The following BAZ2B variants were observed in gnomAD, a reference collection of about 807,000 sequenced individuals.
The protein encoded by BAZ2B is bromodomain adjacent to zinc finger domain 2B.
In BAZ2B, 91 loss-of-function variants were observed where a neutral mutation model predicts 246.0. The observed-to-expected ratio is 0.37, with a 90% confidence interval of 0.31 to 0.44. The LOEUF is 0.44. Among genes scored for constraint, BAZ2B ranks in the 20% least tolerant of loss-of-function variants. The pLI is 1.00. For missense variants in BAZ2B, 2,332 were observed against 2,533.7 expected, an observed-to-expected ratio of 0.92 and a Z score of 1.71; for synonymous variants, 855 against 860.0, an observed-to-expected ratio of 0.99 and a Z score of 0.10.
At position 159,430,865 on chromosome 2, in the gene BAZ2B, G is replaced by C. The variant is rs771370768; in HGVS notation, c.2192C>G (p.Ser731Cys). ...TAATAAAAATAAAGTGTAGGTACCA[G>C]AGTGTGGGCTTGAAGTAAGTGTGGA... The part of the protein sequence containing the change: ...SSSTLTSSPH[S>C]GTSKRRRVTD... Residue 731 changes from serine (S) to cysteine (C), a missense_variant and splice_region_variant, in exon 10 of 37, where the codon TCT becomes TGT. Physicochemically the swap from Ser to Cys is moderately radical, Grantham distance 112 (BLOSUM62 -1). Around this residue, in one of 9 missense-constraint regions of BAZ2B, gnomAD observed 651 missense variants for 650.9 expected, o/e 1.00. Transcript: ENST00000392783. 31 of 1,612,810 alleles carry C rather than the reference G, an allele frequency of 1.9e-5. No individual in the cohort carries two copies. Among genetic ancestry groups the C allele is most frequent in the African/African-American group, 2.7e-5 (2 of 74,862 alleles).
At chr2:159,690,026 A>G in the BAZ2B span, 4 of 416,836 alleles carry the variant, frequency 9.6e-6, no homozygotes, top group Non-Finnish European at 1.8e-5. Context: ...CATGACATGG[A>G]AGTTGGGCAG....
chr2:159,673,721 A>C, the BAZ2B span, among the ~76,000 whole-genome samples: 1 of 152,322 alleles, frequency 6.6e-6, no homozygotes. Context: ...TATATCCACG[A>C]TATATTAGCC....
intron 27 of BAZ2B, among the ~76,000 whole-genome samples, chr2:159,356,766 G>A (rs144834452): frequency 1.3e-5 from 2 of 152,156 alleles, no homozygotes; most frequent in Non-Finnish European, 2.9e-5. Flanking sequence ...TGGGACGAAG[G>A]TTCCAGAGGA....
intron 2 of BAZ2B, among the ~76,000 whole-genome samples, chr2:159,523,577 G>A (rs181825935): frequency 1.3e-5 from 2 of 152,148 alleles, no homozygotes; most frequent in Admixed American, 6.5e-5. Flanking sequence ...GGTGGCGCAT[G>A]CCTGTAGTCC....
the BAZ2B span, among the ~76,000 whole-genome samples, chr2:159,674,510 T>C: frequency 6.6e-6 from 1 of 151,842 alleles, no homozygotes; most frequent in Admixed American, 6.6e-5. Context: ...ATGTTATTAG[T>C]TGGAGACCAG....
At chr2:159,467,604 T>C (rs1406846525) in intron 3 of BAZ2B, among the ~76,000 whole-genome samples, 2 of 152,230 alleles carry the variant, frequency 1.3e-5, no homozygotes, top group East Asian at 3.8e-4. Flanking sequence ...TTGGCTAGGC[T>C]GGGTCACATG....
the BAZ2B span, among the ~76,000 whole-genome samples, chr2:159,632,055 A>C: frequency 6.6e-6 from 1 of 152,354 alleles, no homozygotes; most frequent in South Asian, 2.1e-4. Flanking sequence ...TATAATTACC[A>C]TTCTCCTTAT....
At chr2:159,675,407 T>G in the BAZ2B span, among the ~76,000 whole-genome samples, 1 of 152,160 alleles carries the variant, frequency 6.6e-6, no homozygotes, top group Non-Finnish European at 1.5e-5. Flanking sequence ...TCAGTGAAGC[T>G]ATTCACTATT....
chr2:159,628,071 T>G, the BAZ2B span, among the ~76,000 whole-genome samples: 4 of 152,292 alleles, frequency 2.6e-5, no homozygotes, highest in Non-Finnish European at 5.9e-5. Context: ...CATTCACAAC[T>G]GCTATAAAGA....
intron 1 of BAZ2B, among the ~76,000 whole-genome samples, chr2:159,605,450 G>A (rs890850174): frequency 2.0e-5 from 3 of 152,178 alleles, no homozygotes; most frequent in Non-Finnish European, 2.9e-5. Flanking sequence ...CCATGTACAT[G>A]TAATTAATTT....
At chr2:159,467,299 C>T (rs943011824) in intron 3 of BAZ2B, among the ~76,000 whole-genome samples, 1 of 152,128 alleles carries the variant, frequency 6.6e-6, no homozygotes, top group Non-Finnish European at 1.5e-5. Context: ...AATCTAATGA[C>T]TCACAAAACT....
At chr2:159,445,885 C>T (rs1336359697) in intron 6 of BAZ2B, among the ~76,000 whole-genome samples, 6 of 152,116 alleles carry the variant, frequency 3.9e-5, no homozygotes, top group Admixed American at 6.5e-5. Context: ...GAGGCTGAGG[C>T]GGTGGATCCC....
the BAZ2B span, chr2:159,712,359 C>T: frequency 6.6e-6 from 1 of 152,264 alleles, no homozygotes; most frequent in African/African-American, 2.4e-5. Context: ...TCAACGGTTC[C>T]CGCAGTCAGA....
chr2:159,349,316 T>TTGTGCACATG (rs2058312420), intron 28 of BAZ2B, 36 bp from the exon 29 acceptor site: 1 of 1,541,642 alleles, frequency 6.5e-7, no homozygotes, highest in Admixed American at 2.0e-5. Context: ...GAAAAGTAGA[T>TTGTGCACATG]TACTCTAAGA....
At chr2:159,416,648 T>C (rs184717782) in intron 13 of BAZ2B, among the ~76,000 whole-genome samples, 40 of 152,342 alleles carry the variant, frequency 2.6e-4, no homozygotes, top group African/African-American at 8.7e-4. Flanking sequence ...GTTACATTTT[T>C]ATTCAGCTAG....
chr2:159,709,557 T>C, the BAZ2B span, among the ~76,000 whole-genome samples: 8 of 152,194 alleles, frequency 5.3e-5, no homozygotes, highest in Non-Finnish European at 8.8e-5. Context: ...AAATATCCCA[T>C]GTATCCCATA....
At chr2:159,329,546 T>C (rs984230964) in intron 34 of BAZ2B, among the ~76,000 whole-genome samples, 3 of 152,082 alleles carry the variant, frequency 2.0e-5, no homozygotes, top group Non-Finnish European at 2.9e-5. Flanking sequence ...CACACACACA[T>C]ACACGCAGAG....
chr2:159,687,097 CTG>C, the BAZ2B span, among the ~76,000 whole-genome samples: 1 of 147,250 alleles, frequency 6.8e-6, no homozygotes, highest in African/African-American at 2.5e-5. Flanking sequence ...CTAGAGGAAA[CTG>C]AAACTGAGAA....
intron 2 of BAZ2B, among the ~76,000 whole-genome samples, chr2:159,480,931 G>A (rs571784201): frequency 6.6e-6 from 1 of 152,148 alleles, no homozygotes; most frequent in African/African-American, 2.4e-5. Context: ...TTAGCTGGCT[G>A]AGTAGTCTTC....
Sources: allele counts gnomAD v4.1 joint callset (sites outside exome capture counted in the v4.1 genomes callset), GRCh38; gene constraint gnomAD v4.1.1; regional missense constraint gnomAD v4.1.1; transcripts MANE v1.5; gene names NCBI Gene and HGNC (gene_info 2026-07-23, HGNC 2026-07-21).